ITPR1: variants seen among roughly 807,000 people sequenced by gnomAD.
ITPR1 encodes inositol 1,4,5-trisphosphate-gated calcium channel ITPR1.
Under a neutral mutation model 318.4 loss-of-function variants are expected in ITPR1, and 96 were observed. The observed-to-expected ratio is 0.30, with a 90% CI of 0.26 to 0.36. ITPR1 has a LOEUF of 0.36. Ranked by LOEUF, ITPR1 falls within the 10% of genes least tolerant of loss-of-function variation. ITPR1 has a pLI of 1.00. For missense variants in ITPR1, 2,440 were observed against 3,460.2 expected, an observed-to-expected ratio of 0.71 and a Z score of 7.40; for synonymous variants, 1,312 against 1,289.9, an observed-to-expected ratio of 1.02 and a Z score of -0.37.
chr3:4,820,623 T>G (rs1275425572), intron 60 of ITPR1, among the ~76,000 whole-genome samples: 4 of 152,208 alleles, frequency 2.6e-5, no homozygotes, highest in Non-Finnish European at 4.4e-5. Context: ...ATTCTTTGAT[T>G]ATATGAGACA....
intron 61 of ITPR1, among the ~76,000 whole-genome samples, chr3:4,839,203 T>C (rs185522263): frequency 3.9e-4 from 60 of 152,244 alleles, no homozygotes; most frequent in Admixed American, 2.5e-3. Flanking sequence ...GGCACATGCC[T>C]GTGATCACAG....
chr3:4,624,618 C>T (rs975347868), intron 4 of ITPR1, among the ~76,000 whole-genome samples: 44 of 141,658 alleles, frequency 3.1e-4, no homozygotes, highest in Admixed American at 3.0e-4. Context: ...TACAGTGAGC[C>T]GAGATCGTGC....
rs766020180 is a variant in ITPR1, at chr3:4,673,122, G to A, written c.2205-14G>A. The A allele has an allele frequency of 1.2e-6, 2 of 1,609,000 alleles. No homozygotes were observed. The highest frequency in any genetic ancestry group is 1.1e-5 in the South Asian group (1 of 90,536). On this transcript the variant is annotated splice_polypyrimidine_tract_variant and intron_variant, in intron 20 of 61. Transcript: ENST00000649015. ...TCTGGAGCGTGAGCTGTGTGCCCTTGTTCCTTCCTCTAGATATCAGCTGAA... is the reference window on the plus strand; with the variant it reads ...TCTGGAGCGTGAGCTGTGTGCCCTTATTCCTTCCTCTAGATATCAGCTGAA...
chr3:4,772,925 C>T (rs1224827044), intron 46 of ITPR1, among the ~76,000 whole-genome samples: 1 of 152,218 alleles, frequency 6.6e-6, no homozygotes, highest in Non-Finnish European at 1.5e-5. Context: ...GAGTTTGAAA[C>T]ACGTGGGCCC....
chr3:4,633,305 T>C (rs2125137707), intron 5 of ITPR1, among the ~76,000 whole-genome samples: 1 of 152,310 alleles, frequency 6.6e-6, no homozygotes, highest in African/African-American at 2.4e-5. Context: ...CTGGAACTTT[T>C]CCCCCTAGTG....
Position 4,699,936 on chromosome 3 carries a change from T to C in ITPR1, c.4531T>C (p.Leu1511=). 6.2e-7 allele frequency: 1 copy of C among 1,612,950 alleles called. No individual in the cohort carries two copies. Among genetic ancestry groups the C allele is most frequent in the Non-Finnish European group, 8.5e-7 (1 of 1,179,056 alleles). The change falls in exon 35 of 62, where the codon TTG becomes CTG. Residue 1511 remains leucine (L), a synonymous_variant. Coordinates refer to ENST00000649015, the MANE Select transcript of ITPR1 (RefSeq NM_001378452.1). ...TCCCTTCTCAGACCAGAGTACGACT[T>C]TGCAGGTAAGAAATAACCAACGTCA... ...SSPFSDQSTT[L]QTRQPVFVQL...
At position 4,658,237 on chromosome 3, in the gene ITPR1, A is replaced by T. The variant is rs2093757091; in HGVS notation, c.1110A>T (p.Leu370=). ...EGNDISSIFE[L]DPTTLRGGDS... is the part of the protein sequence containing the mutation. ...ATGACATCTCCTCCATTTTCGAGCT[A>T]GATCCCACCACTCTGCGTGGAGGTG... The change falls in exon 13 of 62, where the codon CTA becomes CTT. Residue 370 remains leucine, a synonymous_variant. Transcript: ENST00000649015. The T allele has an allele frequency of 6.8e-6, 11 of 1,613,588 alleles. No homozygotes were observed. The highest frequency in any genetic ancestry group is 9.3e-6 in the Non-Finnish European group (11 of 1,179,602).
chr3:4,672,112 T>C (rs1435011671), intron 20 of ITPR1, among the ~76,000 whole-genome samples: 3 of 152,232 alleles, frequency 2.0e-5, no homozygotes, highest in Admixed American at 2.0e-4. Context: ...GCTGCAGTTC[T>C]TCATGTCAGG....
chr3:4,573,760 C>T (rs1385833224), intron 4 of ITPR1, among the ~76,000 whole-genome samples: 5 of 152,176 alleles, frequency 3.3e-5, no homozygotes, highest in African/African-American at 4.8e-5. Context: ...TTCCAAACAG[C>T]CTTCTCTTAA....
chr3:4,843,954 C>T (rs970891460), intron 61 of ITPR1, among the ~76,000 whole-genome samples: 3 of 152,040 alleles, frequency 2.0e-5, no homozygotes, highest in Non-Finnish European at 4.4e-5. Flanking sequence ...GATGAAAATA[C>T]GCATACTAAA....
intron 4 of ITPR1, among the ~76,000 whole-genome samples, chr3:4,521,356 A>G (rs1197137821): frequency 6.6e-6 from 1 of 152,170 alleles, no homozygotes; most frequent in Non-Finnish European, 1.5e-5. Flanking sequence ...AAAGTCTTAC[A>G]TTTGTACAGG....
At chr3:4,572,691 T>G (rs73807297) in intron 4 of ITPR1, among the ~76,000 whole-genome samples, 4,940 of 152,312 alleles carry the variant, frequency 0.032, 287 homozygotes, top group African/African-American at 0.11. Context: ...TCTCCAGAAC[T>G]TTTTCATCTT....
At chr3:4,588,122 G>A (rs1324026924) in intron 4 of ITPR1, among the ~76,000 whole-genome samples, 2 of 152,172 alleles carry the variant, frequency 1.3e-5, no homozygotes. Context: ...CACCCCCACT[G>A]AGGGATCCCT....
intron 4 of ITPR1, among the ~76,000 whole-genome samples, chr3:4,608,290 G>A (rs942157066): frequency 6.6e-5 from 10 of 152,148 alleles, no homozygotes; most frequent in African/African-American, 2.4e-4. Context: ...GAGCAGCCAG[G>A]GTTGAGAATC....
chr3:4,518,351 G>A (rs1011527803), intron 3 of ITPR1, among the ~76,000 whole-genome samples: 1 of 152,160 alleles, frequency 6.6e-6, no homozygotes, highest in Non-Finnish European at 1.5e-5. Flanking sequence ...CTTTTTAAGT[G>A]TTTTCCTCAA....
intron 54 of ITPR1, 116 bp from the exon 55 acceptor site, chr3:4,805,987 G>A: frequency 1.2e-6 from 1 of 856,978 alleles, no homozygotes; most frequent in East Asian, 2.7e-5. Flanking sequence ...GGGTGGAAAA[G>A]GAAGCGTTTG....
At chr3:4,609,981 G>C (rs748912623) in intron 4 of ITPR1, among the ~76,000 whole-genome samples, 6 of 152,264 alleles carry the variant, frequency 3.9e-5, no homozygotes, top group East Asian at 3.9e-4. Flanking sequence ...AGCAAGGGAG[G>C]GGGGACCAGG....
At chr3:4,807,246 C>T (rs530462255) in intron 55 of ITPR1, among the ~76,000 whole-genome samples, 6 of 152,166 alleles carry the variant, frequency 3.9e-5, no homozygotes, top group South Asian at 2.1e-4. Flanking sequence ...CCCCGAAGCG[C>T]GTATGAGAGG....
In ITPR1 at chr3:4,587,785, G is replaced by A. The variant is rs532663021; in HGVS notation, c.164-39978G>A. Among the ~76,000 whole-genome samples, 45 of 152,316 alleles carry A rather than the reference G, an allele frequency of 3.0e-4. No homozygotes were observed. The Middle Eastern group carries it at 0.014, about 46-fold the overall frequency. On this transcript the variant is annotated intron_variant, in intron 4 of 61. Transcript: ENST00000649015. ...AACTGTCTCAATTTGGGAAGGACTT[G>A]TTAAAAAGACAAGCATTGCTAATTA...
Sources: gnomAD v4.1 joint callset for allele counts (sites outside exome capture counted in the v4.1 genomes callset) on GRCh38, gnomAD v4.1.1 for gene constraint, MANE v1.5 for transcripts, NCBI Gene and HGNC (gene_info 2026-07-23, HGNC 2026-07-21) for gene names.